The following ADARB2 variants were observed in gnomAD, a reference collection of about 807,000 sequenced individuals.
The protein encoded by ADARB2 is inactive double-stranded RNA-specific editase B2.
Under a neutral mutation model 62.2 loss-of-function variants are expected in ADARB2, and 25 were observed. That is an observed-to-expected ratio of 0.40 (90% confidence interval 0.29 to 0.56). The LOEUF (loss-of-function observed/expected upper bound fraction) is 0.56. Among genes scored for constraint, ADARB2 ranks in the 20% least tolerant of loss-of-function variants. The pLI, the probability that ADARB2 is intolerant of heterozygous loss-of-function variation, is 0.43. For synonymous variants in ADARB2, 572 were observed against 500.8 expected (o/e 1.14, Z -1.90); for missense variants, 1,071 against 1,077.4 (o/e 0.99, Z 0.08).
chr10:1,339,922 G>C (rs1262554664), intron 3 of ADARB2, among the ~76,000 whole-genome samples: 1 of 152,138 alleles, frequency 6.6e-6, no homozygotes, highest in Non-Finnish European at 1.5e-5. Flanking sequence ...CTGCATTCTG[G>C]CTTGGTGTCT....
At chr10:1,671,102 A>G (rs1834378249) in intron 1 of ADARB2, among the ~76,000 whole-genome samples, 1 of 152,198 alleles carries the variant, frequency 6.6e-6, no homozygotes, top group Non-Finnish European at 1.5e-5. Flanking sequence ...GCACATTTCA[A>G]ATACAATCTT....
intron 1 of ADARB2, among the ~76,000 whole-genome samples, chr10:1,437,001 G>A (rs1247031305): frequency 1.3e-5 from 2 of 152,138 alleles, no homozygotes; most frequent in African/African-American, 4.8e-5. Flanking sequence ...AACACATTCT[G>A]TTCACCTGAA....
chr10:1,274,302 C>G (rs1459919562), intron 3 of ADARB2, among the ~76,000 whole-genome samples: 2 of 152,220 alleles, frequency 1.3e-5, no homozygotes, highest in African/African-American at 4.8e-5. Context: ...ACTGTCGTTG[C>G]CAGCTCTGGT....
intron 1 of ADARB2, among the ~76,000 whole-genome samples, chr10:1,695,777 T>G (rs1834733425): frequency 6.6e-6 from 1 of 152,168 alleles, no homozygotes; most frequent in African/African-American, 2.4e-5. Context: ...GGTGTGTCTG[T>G]GCATACACAT....
At position 1,178,060 on chromosome 10, in the gene ADARB2, A is replaced by C. The variant is rs1836612622; in HGVS notation, c.*5133T>G. ...GTGGACACATTCAGGAGAGTCCAAA[A>C]ATGACTGCAGCAACTCCCTGTGCAC... is the stretch of plus-strand genomic sequence containing the variant. On this transcript the variant is annotated 3_prime_UTR_variant, in exon 10 of 10. Transcript: ENST00000381312. 1 of 152,154 alleles carries C rather than the reference A, an allele frequency of 6.6e-6. No individual in the cohort carries two copies. Among genetic ancestry groups the C allele is most frequent in the South Asian group, 2.1e-4 (1 of 4,816 alleles). The allele number at this position is 152,154 out of a possible 1,614,324, so 9.4% of individuals were successfully genotyped here.
intron 2 of ADARB2, among the ~76,000 whole-genome samples, chr10:1,366,965 G>T (rs1363330851): frequency 6.6e-6 from 1 of 152,238 alleles, no homozygotes; most frequent in Non-Finnish European, 1.5e-5. Context: ...GTTGAGTGCG[G>T]CTGGATGTTG....
chr10:1,249,722 G>T (rs1047125606), intron 4 of ADARB2, among the ~76,000 whole-genome samples: 1 of 151,842 alleles, frequency 6.6e-6, no homozygotes, highest in South Asian at 2.1e-4. Flanking sequence ...AGCCATTGAC[G>T]AGCACAACAA....
chr10:1,229,824 GTT>G (rs1491398915), intron 6 of ADARB2, among the ~76,000 whole-genome samples: 3 of 139,692 alleles, frequency 2.1e-5, no homozygotes, highest in Non-Finnish European at 4.7e-5. Context: ...ACTTATGTAT[GTT>G]TTTGTGCACA....
intron 1 of ADARB2, among the ~76,000 whole-genome samples, chr10:1,611,069 C>T (rs566354701): frequency 2.0e-5 from 3 of 152,276 alleles, no homozygotes; most frequent in Non-Finnish European, 2.9e-5. Flanking sequence ...ACTGGTGCCG[C>T]GTGTCTGCAA....
intron 2 of ADARB2, among the ~76,000 whole-genome samples, chr10:1,370,182 A>G (rs1029802082): frequency 6.6e-6 from 1 of 152,240 alleles, no homozygotes; most frequent in East Asian, 1.9e-4. Flanking sequence ...TACCACACAA[A>G]CAGAACTAAA....
chr10:1,699,471 C>T (rs1271837836), intron 1 of ADARB2, among the ~76,000 whole-genome samples: 2 of 18,502 alleles, frequency 1.1e-4, no homozygotes, highest in African/African-American at 1.7e-4. Flanking sequence ...CCCACTCCAC[C>T]GGGAGACCAG....
At chr10:1,610,333 T>C (rs1191206404) in intron 1 of ADARB2, among the ~76,000 whole-genome samples, 2 of 152,192 alleles carry the variant, frequency 1.3e-5, no homozygotes, top group Non-Finnish European at 2.9e-5. Context: ...CCCTTTCTCC[T>C]AGCCCAGACC....
At chr10:1,325,979 G>C (rs1268976169) in intron 3 of ADARB2, among the ~76,000 whole-genome samples, 2 of 152,184 alleles carry the variant, frequency 1.3e-5, no homozygotes, top group Non-Finnish European at 2.9e-5. Flanking sequence ...GCTTTGCTGA[G>C]ATAGTTTACT....
intron 1 of ADARB2, among the ~76,000 whole-genome samples, chr10:1,643,090 G>A (rs1415103668): frequency 1.3e-5 from 2 of 152,160 alleles, no homozygotes; most frequent in Non-Finnish European, 2.9e-5. Flanking sequence ...GGAAACTGAG[G>A]CACAGACACC....
intron 1 of ADARB2, among the ~76,000 whole-genome samples, chr10:1,706,656 G>A (rs529120263): frequency 6.6e-6 from 1 of 152,320 alleles, no homozygotes; most frequent in East Asian, 1.9e-4. Flanking sequence ...GAATCTGCAG[G>A]ATGATGTTGC....
intron 1 of ADARB2, among the ~76,000 whole-genome samples, chr10:1,491,984 C>G (rs1429544483): frequency 2.0e-5 from 3 of 152,156 alleles, no homozygotes; most frequent in Non-Finnish European, 1.5e-5. Flanking sequence ...TTATGTATCT[C>G]TCTTGGCCTT....
intron 1 of ADARB2, among the ~76,000 whole-genome samples, chr10:1,606,320 G>C (rs3892902): frequency 0.13 from 19,375 of 151,810 alleles, 1,401 homozygotes; most frequent in Non-Finnish European, 0.16. Flanking sequence ...AAACCTGAGC[G>C]GGGGGGAGCA....
chr10:1,446,065 GA>G (rs1830964469), intron 1 of ADARB2, among the ~76,000 whole-genome samples: 1 of 34,946 alleles, frequency 2.9e-5, no homozygotes, highest in Non-Finnish European at 1.1e-4. Flanking sequence ...GAATGGAAGG[GA>G]GGGGGTGAAG....
intron 1 of ADARB2, among the ~76,000 whole-genome samples, chr10:1,436,954 G>A (rs1830841059): frequency 6.6e-6 from 1 of 152,122 alleles, no homozygotes; most frequent in African/African-American, 2.4e-5. Context: ...GAAAAGTATA[G>A]TAGTTACATG....
Sources: allele counts gnomAD v4.1 joint callset (sites outside exome capture counted in the v4.1 genomes callset), GRCh38; gene constraint gnomAD v4.1.1; transcripts MANE v1.5; gene names NCBI Gene and HGNC (gene_info 2026-07-23, HGNC 2026-07-21).